Variants in FAT3 observed in about 807,000 individuals in gnomAD.
FAT3 encodes the protein FAT atypical cadherin 3, also known as protocadherin Fat 3.
In FAT3, 95 loss-of-function variants were observed where a neutral mutation model predicts 310.2. That is an observed-to-expected ratio of 0.31 (90% CI 0.26 to 0.36). The LOEUF (loss-of-function observed/expected upper bound fraction) is 0.36. FAT3 is among the 10% of genes least tolerant of loss of function. FAT3 has a pLI of 1.00. For synonymous variants in FAT3, 2,314 were observed against 2,192.9 expected, an observed-to-expected ratio of 1.06 and a Z score of -1.54; for missense variants, 5,408 against 5,715.6, an observed-to-expected ratio of 0.95 and a Z score of 1.74.
rs1260015682 is a variant in FAT3, at chr11:92,352,846, G to C, written c.734G>C (p.Gly245Ala). The C allele has an allele frequency of 6.2e-7, 1 of 1,613,786 alleles. No individual in the cohort carries two copies. The highest frequency in any genetic ancestry group is 8.5e-7 in the Non-Finnish European group (1 of 1,179,886). The change falls in exon 2 of 28, where the codon GGA becomes GCA. Residue 245 changes from glycine (G) to alanine (A), a missense_variant. Gly to Ala is a moderately conservative substitution (Grantham distance 60). Transcript: ENST00000525166. The part of the protein sequence containing the change: ...DRGMKLYGNN[G>A]VSSTAKLYVH... ...GGAATGAAACTGTATGGGAACAATG[G>C]AGTGAGCAGTACTGCAAAGCTTTAT...
At chr11:92,424,002 T>C (rs541497383) in intron 2 of FAT3, among the ~76,000 whole-genome samples, 2 of 152,330 alleles carry the variant, frequency 1.3e-5, no homozygotes, top group East Asian at 3.9e-4. Context: ...AATTGTCATA[T>C]AAAATTAACC....
At position 92,798,600 on chromosome 11, in the gene FAT3, G is replaced by T. The variant is rs1947240667; in HGVS notation, c.5587G>T (p.Ala1863Ser). Residue 1863 changes from alanine (A) to serine (S), a missense_variant, in exon 10 of 28, where the codon GCA becomes TCA. Transcript: ENST00000525166. Reference protein sequence around the residue: ...VRDSGSPQLTAESPVEVNIEV... With the variant: ...VRDSGSPQLTSESPVEVNIEV... Reference sequence around the variant, plus strand: ...AGACAGTGGTAGCCCCCAACTGACTGCAGAGAGTCCCGTTGAAGTCAACAT... The same window carrying T: ...AGACAGTGGTAGCCCCCAACTGACTTCAGAGAGTCCCGTTGAAGTCAACAT... 1 of 1,613,724 alleles carries T rather than the reference G, an allele frequency of 6.2e-7. No homozygotes were observed. Among genetic ancestry groups the T allele is most frequent in the South Asian group, 1.1e-5 (1 of 91,042 alleles).
At chr11:92,605,814 G>T (rs369476090) in intron 3 of FAT3, among the ~76,000 whole-genome samples, 27 of 143,942 alleles carry the variant, frequency 1.9e-4, no homozygotes, top group African/African-American at 6.8e-4. Flanking sequence ...CTGGTCTGCT[G>T]CCAAAAATGT....
At chr11:92,761,753 A>G (rs902550645) in intron 4 of FAT3, 103 bp from the exon 5 acceptor site, 25 of 1,002,964 alleles carry the variant, frequency 2.5e-5, no homozygotes, top group African/African-American at 3.2e-5. Context: ...AAGAATTTGG[A>G]TAGGATAGCA....
intron 2 of FAT3, among the ~76,000 whole-genome samples, chr11:92,410,160 T>A (rs78720454): frequency 3.9e-5 from 6 of 152,204 alleles, no homozygotes; most frequent in South Asian, 2.1e-4. Flanking sequence ...GATTTTTTTT[T>A]AAATCATCAG....
intron 1 of FAT3, among the ~76,000 whole-genome samples, chr11:92,335,116 A>G (rs1948028658): frequency 6.6e-6 from 1 of 151,840 alleles, no homozygotes; most frequent in Non-Finnish European, 1.5e-5. Context: ...GACTTTGAGT[A>G]TCTTTGGGAG....
At chr11:92,459,714 A>T (rs974353614) in intron 2 of FAT3, among the ~76,000 whole-genome samples, 1 of 152,066 alleles carries the variant, frequency 6.6e-6, no homozygotes, top group African/African-American at 2.4e-5. Context: ...GGGTAGTGCA[A>T]ATGCCTCAAT....
intron 3 of FAT3, among the ~76,000 whole-genome samples, chr11:92,566,273 A>C (rs185425069): frequency 2.6e-5 from 4 of 152,256 alleles, no homozygotes; most frequent in Admixed American, 2.6e-4. Context: ...TCATGAGTGA[A>C]CTCCCATTCA....
chr11:92,573,819 T>C (rs563636165), intron 3 of FAT3, among the ~76,000 whole-genome samples: 1 of 152,258 alleles, frequency 6.6e-6, no homozygotes, highest in South Asian at 2.1e-4. Flanking sequence ...GGTTTTGGGC[T>C]TCTGGCCTCC....
intron 1 of FAT3, among the ~76,000 whole-genome samples, chr11:92,291,413 T>C (rs910792075): frequency 6.6e-5 from 10 of 152,138 alleles, no homozygotes; most frequent in African/African-American, 2.4e-4. Flanking sequence ...TAGATCACAT[T>C]TTTAATGTTT....
intron 1 of FAT3, among the ~76,000 whole-genome samples, chr11:92,296,253 G>A (rs1946844488): frequency 6.6e-6 from 1 of 152,116 alleles, no homozygotes; most frequent in African/African-American, 2.4e-5. Context: ...AAGACCACAG[G>A]CTTTGGAGTT....
intron 7 of FAT3, among the ~76,000 whole-genome samples, chr11:92,785,166 A>G (rs1946856335): frequency 6.6e-6 from 1 of 152,166 alleles, no homozygotes; most frequent in Admixed American, 6.6e-5. Flanking sequence ...CCCTCAAAAA[A>G]GGCATATTTG....
chr11:92,671,463 G>A (rs565185024), intron 3 of FAT3, among the ~76,000 whole-genome samples: 2 of 152,056 alleles, frequency 1.3e-5, no homozygotes, highest in South Asian at 4.1e-4. Context: ...GAAACATGCT[G>A]GTTACTGCCT....
chr11:92,546,675 G>A (rs1048128799), intron 3 of FAT3, among the ~76,000 whole-genome samples: 13 of 152,168 alleles, frequency 8.5e-5, no homozygotes, highest in Non-Finnish European at 1.5e-4. Context: ...ACTTGGGGAT[G>A]CAAATTATAT....
intron 3 of FAT3, among the ~76,000 whole-genome samples, chr11:92,566,701 T>A (rs1313659075): frequency 6.6e-6 from 1 of 150,992 alleles, no homozygotes; most frequent in South Asian, 2.1e-4. Flanking sequence ...TACTGATCAA[T>A]GGAACAGAAC....
At chr11:92,309,535 G>A (rs899483902) in intron 1 of FAT3, among the ~76,000 whole-genome samples, 3 of 152,012 alleles carry the variant, frequency 2.0e-5, no homozygotes, top group African/African-American at 7.3e-5. Flanking sequence ...TTCACCTTCG[G>A]GAAAGTAATT....
At position 92,534,278 on chromosome 11, in the gene FAT3, G is replaced by T. The variant is rs116772947; in HGVS notation, c.3607+9330G>T. Among the ~76,000 whole-genome samples, 15 of 152,068 alleles carry T rather than the reference G, an allele frequency of 9.9e-5. No homozygotes were observed. In the East Asian group the frequency reaches 2.5e-3, roughly 26 times the overall value. ...TCATTCAGCAATAACCACAGTCCTG[G>T]GGGGGGAGGGGAACAAAACTCTGGG... On this transcript the variant is annotated intron_variant, in intron 3 of 27. Coordinates refer to ENST00000525166, the MANE Select transcript of FAT3 (RefSeq NM_001367949.2).
chr11:92,707,400 C>T (rs1028638443), intron 4 of FAT3, among the ~76,000 whole-genome samples: 16 of 152,208 alleles, frequency 1.1e-4, no homozygotes, highest in African/African-American at 3.9e-4. Context: ...TGGATGGGAA[C>T]GTGGTGCTAT....
At chr11:92,233,881 A>G (rs898897085) in intron 1 of FAT3, among the ~76,000 whole-genome samples, 1 of 152,174 alleles carries the variant, frequency 6.6e-6, no homozygotes, top group Non-Finnish European at 1.5e-5. Flanking sequence ...CCTAAGTTGT[A>G]TTCAGCAGTG....
Sources: allele counts gnomAD v4.1 joint callset (sites outside exome capture counted in the v4.1 genomes callset), GRCh38; gene constraint gnomAD v4.1.1; transcripts MANE v1.5; gene names NCBI Gene and HGNC (gene_info 2026-07-23, HGNC 2026-07-21).